SLC24A2: variants seen among roughly 807,000 people sequenced by gnomAD.
SLC24A2 encodes the protein sodium/potassium/calcium exchanger 2.
SLC24A2 carries 36 observed loss-of-function variants against 62.0 expected under a neutral mutation model. The ratio of observed to expected loss-of-function variants is 0.58; its 90% CI spans 0.44 to 0.77. SLC24A2 has a LOEUF of 0.77. Ranked by LOEUF, SLC24A2 falls within the 30% of genes least tolerant of loss-of-function variation. The pLI, the probability that SLC24A2 is intolerant of heterozygous loss-of-function variation, is 0.00. For synonymous variants in SLC24A2, 358 were observed against 294.0 expected, an observed-to-expected ratio of 1.22 and a Z score of -2.23; for missense variants, 846 against 817.9, an observed-to-expected ratio of 1.03 and a Z score of -0.42.
chr9:20,111,202 C>T, the SLC24A2 span, among the ~76,000 whole-genome samples: 37 of 152,062 alleles, frequency 2.4e-4, no homozygotes, highest in African/African-American at 7.5e-4. Context: ...TGGGAGGCAC[C>T]GGTAGGAGTG....
chr9:20,031,801 G>C, the SLC24A2 span, among the ~76,000 whole-genome samples: 100 of 152,276 alleles, frequency 6.6e-4, no homozygotes, highest in Non-Finnish European at 1.2e-3. Flanking sequence ...CTAGGACTCA[G>C]CTACAAGTCA....
the SLC24A2 span, among the ~76,000 whole-genome samples, chr9:20,230,729 T>A: frequency 4.6e-5 from 7 of 152,212 alleles, no homozygotes; most frequent in African/African-American, 1.4e-4. Flanking sequence ...CAGAAGCTCT[T>A]TAGTTTAATG....
chr9:20,063,015 G>T, the SLC24A2 span, among the ~76,000 whole-genome samples: 387 of 118,954 alleles, frequency 3.3e-3, 9 homozygotes, highest in African/African-American at 0.013. Flanking sequence ...AGGATATGGA[G>T]AAATAGGAAC....
At chr9:19,791,372 C>T (rs1823318703), upstream of SLC24A2, among the ~76,000 whole-genome samples, 1 of 152,212 alleles carries the variant, frequency 6.6e-6, no homozygotes, top group African/African-American at 2.4e-5. Flanking sequence ...GGTCACAAGA[C>T]ATAGCTGCAA....
At chr9:19,704,177 T>TG (rs1820438944) in intron 2 of SLC24A2, among the ~76,000 whole-genome samples, 1 of 152,224 alleles carries the variant, frequency 6.6e-6, no homozygotes, top group Non-Finnish European at 1.5e-5. Flanking sequence ...GTAGTAGGTC[T>TG]GGGGGAGCGC....
the SLC24A2 span, among the ~76,000 whole-genome samples, chr9:19,815,718 T>C: frequency 5.1e-3 from 781 of 152,242 alleles, 8 homozygotes; most frequent in African/African-American, 0.018. Flanking sequence ...TTCATATATA[T>C]GGTTGTTAAG....
rs561743795 is a variant in SLC24A2 at position 19,599,229 on chromosome 9, G to C, written c.1079-1950C>G. On this transcript the variant is annotated intron_variant, in intron 4 of 10. Coordinates refer to ENST00000341998, the MANE Select transcript of SLC24A2 (RefSeq NM_020344.4). The surrounding 1 kb of genome is among the most constrained non-coding windows in gnomAD (Gnocchi z 4.5). ...TTATCATTTTATTTGTACATAGTTG[G>C]AATTGGAACTGTTCATATCGGACAA... is the stretch of plus-strand genomic sequence containing the variant. 1.4e-4 allele frequency among the ~76,000 whole-genome samples: 22 copies of C among 152,218 alleles called. No homozygotes were observed. The highest frequency in any genetic ancestry group is 5.3e-4 in the African/African-American group (22 of 41,528).
the SLC24A2 span, among the ~76,000 whole-genome samples, chr9:20,256,092 A>G: frequency 6.6e-6 from 1 of 152,194 alleles, no homozygotes; most frequent in South Asian, 2.1e-4. Flanking sequence ...TTTCATATCA[A>G]ACCCATTCCT....
chr9:19,552,211 C>T (rs1035468313), intron 7 of SLC24A2, among the ~76,000 whole-genome samples: 1 of 152,140 alleles, frequency 6.6e-6, no homozygotes, highest in African/African-American at 2.4e-5. Flanking sequence ...GGCTCTGGTC[C>T]CTCTTCTATG....
chr9:19,808,337 G>A, the SLC24A2 span, among the ~76,000 whole-genome samples: 3 of 152,234 alleles, frequency 2.0e-5, no homozygotes, highest in South Asian at 4.2e-4. The surrounding 1 kb of genome is among the most constrained non-coding windows in gnomAD (Gnocchi z 4.1). Flanking sequence ...GTAATGAATT[G>A]GAACTTACTT....
At chr9:20,222,991 A>G in the SLC24A2 span, among the ~76,000 whole-genome samples, 14 of 152,058 alleles carry the variant, frequency 9.2e-5, no homozygotes, top group African/African-American at 3.4e-4. Context: ...TTATTTGTAG[A>G]TGATATGATT....
chr9:19,966,590 T>C, the SLC24A2 span, among the ~76,000 whole-genome samples: 1 of 152,170 alleles, frequency 6.6e-6, no homozygotes, highest in South Asian at 2.1e-4. Context: ...GTTAGGGCAG[T>C]TGGGCTTAAT....
chr9:20,013,222 A>G, the SLC24A2 span, among the ~76,000 whole-genome samples: 1 of 122,820 alleles, frequency 8.1e-6, no homozygotes, highest in South Asian at 2.3e-4. Flanking sequence ...CCAATGAAAC[A>G]GGACTTAAAA....
At chr9:19,709,073 A>AC (rs1193682138) in intron 2 of SLC24A2, among the ~76,000 whole-genome samples, 3 of 152,028 alleles carry the variant, frequency 2.0e-5, no homozygotes, top group Admixed American at 6.6e-5. Flanking sequence ...AAAACAAACA[A>AC]CCCATCAAAA....
chr9:20,155,331 C>T, the SLC24A2 span, among the ~76,000 whole-genome samples: 2 of 151,606 alleles, frequency 1.3e-5, no homozygotes, highest in Non-Finnish European at 2.9e-5. Context: ...CCTCCACTCA[C>T]GTATACACAT....
At chr9:19,988,858 T>C in the SLC24A2 span, among the ~76,000 whole-genome samples, 1 of 152,084 alleles carries the variant, frequency 6.6e-6, no homozygotes, top group Non-Finnish European at 1.5e-5. Context: ...GAAAACCTCC[T>C]AGGAGGACAT....
intron 8 of SLC24A2, among the ~76,000 whole-genome samples, chr9:19,544,987 G>T (rs1294660061): frequency 6.6e-6 from 1 of 152,082 alleles, no homozygotes; most frequent in East Asian, 1.9e-4. Context: ...TGCTAGGTTG[G>T]GGAACTTCTC....
the SLC24A2 span, among the ~76,000 whole-genome samples, chr9:20,167,229 G>C: frequency 1.3e-5 from 2 of 151,994 alleles, no homozygotes; most frequent in Non-Finnish European, 2.9e-5. Flanking sequence ...CAATCCAGGG[G>C]AAAAAAGAAT....
At chr9:19,565,753 G>GT (rs1003395478) in intron 7 of SLC24A2, among the ~76,000 whole-genome samples, 200 of 152,242 alleles carry the variant, frequency 1.3e-3, no homozygotes, top group African/African-American at 4.6e-3. Context: ...CATGGTACTG[G>GT]TACCAAAACA....
Sources: gnomAD v4.1 joint callset for allele counts (sites outside exome capture counted in the v4.1 genomes callset) on GRCh38, gnomAD v4.1.1 for gene constraint, Gnocchi (gnomAD v3.1) non-coding constraint, MANE v1.5 for transcripts, NCBI Gene and HGNC (gene_info 2026-07-23, HGNC 2026-07-21) for gene names.